JAK2: variants seen among roughly 807,000 people sequenced by gnomAD.
JAK2 encodes the protein Janus kinase 2, also known as tyrosine-protein kinase JAK2.
In JAK2, 86 loss-of-function variants were observed where a neutral mutation model predicts 139.3. The ratio of observed to expected loss-of-function variants is 0.62; its 90% CI spans 0.52 to 0.74. The LOEUF is 0.74. Ranked by LOEUF, JAK2 falls within the 30% of genes least tolerant of loss-of-function variation. The probability of loss-of-function intolerance (pLI) is 0.00; values close to 1 mark genes in which losing one functional copy is unlikely to be tolerated. For synonymous variants in JAK2, 490 were observed against 437.7 expected, an observed-to-expected ratio of 1.12 and a Z score of -1.49; for missense variants, 1,421 against 1,360.3, an observed-to-expected ratio of 1.04 and a Z score of -0.70.
chr9:4,989,560 C>T (rs912427413), intron 2 of JAK2, among the ~76,000 whole-genome samples: 10 of 152,038 alleles, frequency 6.6e-5, no homozygotes, highest in African/African-American at 2.2e-4. Flanking sequence ...TTAATACTTG[C>T]AATGTAAAAG....
intron 4 of JAK2, chr9:5,041,737 C>T (rs940914752): frequency 4.1e-6 from 2 of 492,264 alleles, no homozygotes; most frequent in Admixed American, 4.6e-5. Context: ...AAGCCCTTGG[C>T]GACCCCCATC....
intron 12 of JAK2, among the ~76,000 whole-genome samples, chr9:5,071,152 G>A (rs1027314139): frequency 6.6e-6 from 1 of 152,114 alleles, no homozygotes; most frequent in Non-Finnish European, 1.5e-5. Flanking sequence ...ATTAAAAGTG[G>A]TACTCTCCTA....
chr9:5,004,957 C>T (rs1176098795), intron 2 of JAK2, among the ~76,000 whole-genome samples: 1 of 147,314 alleles, frequency 6.8e-6, no homozygotes, highest in Non-Finnish European at 1.5e-5. Context: ...TGCTCTGTTG[C>T]CTAGGCTGAA....
chr9:5,087,826 A>G (rs79718824), intron 19 of JAK2, among the ~76,000 whole-genome samples: 1,542 of 152,312 alleles, frequency 0.01, 18 homozygotes, highest in African/African-American at 0.035. Flanking sequence ...ATGTACACAA[A>G]TATTTATTTA....
chr9:5,100,862 C>T (rs7852755), intron 22 of JAK2: 50,882 of 152,190 alleles, frequency 0.33, 8,841 homozygotes, highest in African/African-American at 0.44. Flanking sequence ...CATGTTATTA[C>T]TGGATCAACA....
At chr9:5,018,688 G>A (rs900189363) in intron 2 of JAK2, among the ~76,000 whole-genome samples, 10 of 152,190 alleles carry the variant, frequency 6.6e-5, no homozygotes, top group African/African-American at 1.9e-4. Context: ...AGCATTTCTT[G>A]TAGGTCTGGT....
chr9:5,052,373 C>G (rs1488172510), intron 6 of JAK2, among the ~76,000 whole-genome samples: 1 of 151,868 alleles, frequency 6.6e-6, no homozygotes. Context: ...TGCTCTTAGC[C>G]AGGATATAAA....
intron 10 of JAK2, among the ~76,000 whole-genome samples, chr9:5,067,612 A>AT (rs1818656676): frequency 6.6e-6 from 1 of 151,996 alleles, no homozygotes; most frequent in South Asian, 2.1e-4. Flanking sequence ...TCCTGTTACT[A>AT]TAACAGATAA....
intron 3 of JAK2, among the ~76,000 whole-genome samples, chr9:5,025,948 C>T (rs1419579113): frequency 6.6e-6 from 1 of 152,212 alleles, no homozygotes; most frequent in African/African-American, 2.4e-5. Context: ...GTTGTTCTAG[C>T]ACTCTTTGTC....
chr9:5,017,369 C>T (rs1301235698), intron 2 of JAK2, among the ~76,000 whole-genome samples: 1 of 152,198 alleles, frequency 6.6e-6, no homozygotes, highest in Non-Finnish European at 1.5e-5. Context: ...TGATAAAATT[C>T]TAGCAAATTT....
intron 2 of JAK2, among the ~76,000 whole-genome samples, chr9:5,004,511 C>A (rs1821144710): frequency 6.6e-6 from 1 of 151,932 alleles, no homozygotes; most frequent in South Asian, 2.1e-4. Context: ...TGTACATATG[C>A]TGTATTTTCT....
chr9:5,085,877 T>C, intron 19 of JAK2: 8 of 794,282 alleles, frequency 1.0e-5, no homozygotes, highest in Non-Finnish European at 1.6e-5. Context: ...TAAGTTCTGT[T>C]GTTGATATGA....
chr9:5,092,934 G>GA (rs371860962), intron 22 of JAK2, among the ~76,000 whole-genome samples: 1 of 152,278 alleles, frequency 6.6e-6, no homozygotes, highest in East Asian at 1.9e-4. Flanking sequence ...CCTTCCTACA[G>GA]AGAGTACAAA....
chr9:5,038,058 C>A (rs1306234896), intron 4 of JAK2, among the ~76,000 whole-genome samples: 2 of 152,260 alleles, frequency 1.3e-5, no homozygotes, highest in African/African-American at 2.4e-5. Flanking sequence ...ATTCATTATT[C>A]TTATAACTAG....
At chr9:5,040,978 A>G (rs1171349448) in intron 4 of JAK2, 2 of 591,214 alleles carry the variant, frequency 3.4e-6, no homozygotes, top group Non-Finnish European at 6.3e-6. Context: ...ATATGTGGCT[A>G]TCAAATTGGA....
chr9:5,022,170 G>C lies in JAK2; in HGVS notation c.183G>C (p.Glu61Asp). The C allele has an allele frequency of 6.2e-7, 1 of 1,614,130 alleles. No individual in the cohort carries two copies. The highest frequency in any genetic ancestry group is 8.5e-7 in the Non-Finnish European group (1 of 1,179,984). The part of the protein sequence containing the change: ...EADYLTFPSG[E>D]YVAEEICIAA... The stretch of plus-strand genomic sequence containing the variant: ...ATTATCTGACCTTTCCATCTGGGGA[G>C]TATGTTGCAGAAGAAATCTGTATTG... Residue 61 changes from glutamate to aspartate, a missense_variant, in exon 3 of 25, where the codon GAG becomes GAC. Glu to Asp is a conservative substitution (Grantham distance 45). Coordinates refer to ENST00000381652, the MANE Select transcript of JAK2 (RefSeq NM_004972.4).
At chr9:5,093,626 C>G (rs1280410176) in intron 22 of JAK2, among the ~76,000 whole-genome samples, 1 of 152,088 alleles carries the variant, frequency 6.6e-6, no homozygotes, top group Non-Finnish European at 1.5e-5. Flanking sequence ...TTGGGGTGAC[C>G]TCATAGCATA....
intron 3 of JAK2, among the ~76,000 whole-genome samples, chr9:5,025,237 T>TA (rs907383204): frequency 6.6e-6 from 1 of 152,202 alleles, no homozygotes; most frequent in African/African-American, 2.4e-5. Flanking sequence ...ATCATGGAAG[T>TA]AAAGTTTAAG....
At chr9:5,042,812 C>T (rs1816698934) in intron 4 of JAK2, among the ~76,000 whole-genome samples, 3 of 152,204 alleles carry the variant, frequency 2.0e-5, no homozygotes, top group Admixed American at 2.0e-4. Flanking sequence ...GGGGTGGGGC[C>T]GCGGCTGAAG....
Sources: gnomAD v4.1 joint callset for allele counts (sites outside exome capture counted in the v4.1 genomes callset) on GRCh38, gnomAD v4.1.1 for gene constraint, MANE v1.5 for transcripts, NCBI Gene and HGNC (gene_info 2026-07-23, HGNC 2026-07-21) for gene names.